FLT1: variants seen among roughly 807,000 people sequenced by gnomAD.
FLT1 encodes vascular endothelial growth factor receptor 1.
FLT1 carries 49 observed loss-of-function variants against 156.3 expected under a neutral mutation model. The observed-to-expected ratio is 0.31, with a 90% CI of 0.25 to 0.40. FLT1 has a LOEUF of 0.40. FLT1 is among the 10% of genes least tolerant of loss of function. The pLI, the probability that FLT1 is intolerant of heterozygous loss-of-function variation, is 1.00. For synonymous variants in FLT1, 594 were observed against 583.8 expected, an observed-to-expected ratio of 1.02 and a Z score of -0.25; for missense variants, 1,322 against 1,637.2, an observed-to-expected ratio of 0.81 and a Z score of 3.32.
intron 10 of FLT1, among the ~76,000 whole-genome samples, chr13:28,417,649 A>C (rs1172782783): frequency 6.9e-6 from 1 of 144,408 alleles, no homozygotes; most frequent in African/African-American, 2.5e-5. Flanking sequence ...TAAAAATTAA[A>C]TCTTTAACAT....
In FLT1 at chr13:28,336,490, A is replaced by G. The variant is rs572559910; in HGVS notation, c.2489-2361T>C. Among the ~76,000 whole-genome samples the G allele has an allele frequency of 2.6e-5, 4 of 152,264 alleles. No individual in the cohort carries two copies. In the South Asian group the frequency reaches 8.3e-4, roughly 32 times the overall value. On this transcript the variant is annotated intron_variant, in intron 17 of 29. Coordinates refer to ENST00000282397, the MANE Select transcript of FLT1 (RefSeq NM_002019.4). ...GAAGTGTGCTAGGTCATTGCCATAC[A>G]ATGCAAGGATATTGGAATCTCCTCC...
chr13:28,313,905 A>AT (rs1203729857), intron 25 of FLT1, among the ~76,000 whole-genome samples: 5 of 98,722 alleles, frequency 5.1e-5, no homozygotes, highest in Non-Finnish European at 1.2e-4. Context: ...AAAAAAAAAA[A>AT]AAAAGAAGAA....
At chr13:28,387,994 C>G in intron 13 of FLT1, 1 of 1,059,816 alleles carries the variant, frequency 9.4e-7, no homozygotes, top group Non-Finnish European at 1.1e-6. Context: ...TCCAATTCAC[C>G]ATTTTGTTTT....
chr13:28,310,413 C>T (rs528828704), intron 27 of FLT1, among the ~76,000 whole-genome samples: 2 of 73,162 alleles, frequency 2.7e-5, no homozygotes, highest in Admixed American at 2.1e-4. Flanking sequence ...CACACAGTTT[C>T]GGCAAGCCTT....
rs1384315156 is a variant in FLT1, at chr13:28,357,673, C to G, written c.2129G>C (p.Gly710Ala). ...AATAAACAGCGTGCTGCTTCCTGGT[C>G]CTAAAATAATTCCTGAGGGGTGAGA... ...KIQQEPGIILGPGSSTLFIER... is the reference protein window; with the variant it reads ...KIQQEPGIILAPGSSTLFIER... The change falls in exon 15 of 30, where the codon GGA becomes GCA. Residue 710 changes from glycine (G) to alanine (A), a missense_variant. Gly to Ala is a moderately conservative substitution (Grantham distance 60). Around this residue, in one of 3 missense-constraint regions of FLT1, gnomAD observed 991 missense variants for 1,254.8 expected, o/e 0.79. Transcript: ENST00000282397. 1 of 1,613,734 alleles carries G rather than the reference C, an allele frequency of 6.2e-7. No homozygotes were observed. Among genetic ancestry groups the G allele is most frequent in the Non-Finnish European group, 8.5e-7 (1 of 1,179,822 alleles).
intron 1 of FLT1, among the ~76,000 whole-genome samples, chr13:28,470,674 G>A (rs1880117618): frequency 6.6e-6 from 1 of 152,090 alleles, no homozygotes; most frequent in African/African-American, 2.4e-5. Context: ...CCAGCTGAGA[G>A]AAGTGCTATT....
chr13:28,413,223 C>T (rs894097674), intron 10 of FLT1, among the ~76,000 whole-genome samples: 11 of 152,228 alleles, frequency 7.2e-5, no homozygotes, highest in African/African-American at 1.4e-4. Flanking sequence ...TTTCCGTGAG[C>T]GTCTTGGCTC....
At chr13:28,350,141 G>C (rs1872694727) in intron 15 of FLT1, among the ~76,000 whole-genome samples, 1 of 152,200 alleles carries the variant, frequency 6.6e-6, no homozygotes, top group Non-Finnish European at 1.5e-5. Context: ...AGTGGAAAGA[G>C]GCCAGGGAAA....
Position 28,431,255 on chromosome 13 carries a change from T to A in FLT1, c.869A>T (p.Asn290Ile), listed in dbSNP as rs781610873. The A allele has an allele frequency of 1.9e-6, 3 of 1,613,940 alleles. No individual in the cohort carries two copies. The highest frequency in any genetic ancestry group is 2.5e-6 in the Non-Finnish European group (3 of 1,179,790). Residue 290 changes from asparagine (N) to isoleucine (I), a missense_variant, in exon 7 of 30, where the codon AAC becomes ATC. Around this residue, in one of 3 missense-constraint regions of FLT1, gnomAD observed 991 missense variants for 1,254.8 expected, o/e 0.79. Coordinates refer to ENST00000282397, the MANE Select transcript of FLT1 (RefSeq NM_002019.4). ...RRIDQSNSHA[N>I]IFYSVLTIDK... ...AATAGTAAGAACACTGTAGAATATG[T>A]TGGCATGGGAATTGCTTTGGTCAAT...
chr13:28,356,442 A>G (rs1872903352), intron 15 of FLT1, among the ~76,000 whole-genome samples: 2 of 152,214 alleles, frequency 1.3e-5, no homozygotes, highest in Non-Finnish European at 2.9e-5. Flanking sequence ...ATTTTAGAAC[A>G]AGGATTATTT....
chr13:28,476,611 T>C lies in FLT1; in HGVS notation c.65-8994A>G, dbSNP rs74872797. Among the ~76,000 whole-genome samples the C allele has an allele frequency of 7.9e-3, 1,200 of 152,320 alleles. 15 individuals carry two copies. The highest frequency in any genetic ancestry group is 0.038 in the East Asian group (198 of 5,186). ...ATTTTACCACACTGATTTCTTGCTT[T>C]AGAGGTTTTGCCATTCTAAGTAATC... On this transcript the variant is annotated intron_variant, in intron 1 of 29. Transcript: ENST00000282397.
intron 13 of FLT1, chr13:28,388,586 A>T: frequency 9.5e-7 from 1 of 1,053,722 alleles, no homozygotes; most frequent in Non-Finnish European, 1.1e-6. Flanking sequence ...AGAGATTACA[A>T]CTTCTCTTGA....
rs17086708 is a variant in FLT1 at position 28,466,523 on chromosome 13, A to G, written c.388+380T>C. Among the ~76,000 whole-genome samples, 1,511 of 152,356 alleles carry G rather than the reference A, an allele frequency of 9.9e-3. 61 individuals carry two copies. The highest frequency in any genetic ancestry group is 0.065 in the Admixed American group (989 of 15,306). On this transcript the variant is annotated intron_variant, in intron 3 of 29. Coordinates refer to ENST00000282397, the MANE Select transcript of FLT1 (RefSeq NM_002019.4). ...CAACAGTATTTTACAGTTCCAACAT[A>G]TAAGAGAATGCAGCTGTGTTAAATG...
chr13:28,441,145 G>A (rs575828636), intron 3 of FLT1, among the ~76,000 whole-genome samples: 84 of 152,268 alleles, frequency 5.5e-4, no homozygotes, highest in African/African-American at 1.9e-3. Flanking sequence ...CAGTTTAACC[G>A]GTATATGACT....
intron 4 of FLT1, among the ~76,000 whole-genome samples, chr13:28,436,569 C>T (rs888944945): frequency 9.9e-5 from 15 of 152,164 alleles, no homozygotes; most frequent in Non-Finnish European, 1.8e-4. Context: ...CTCCTGATGA[C>T]CAAACAACCC....
Position 28,303,065 on chromosome 13 carries a change from A to G in FLT1, c.*102T>C. The G allele has an allele frequency of 9.6e-7, 1 of 1,043,382 alleles. No individual in the cohort carries two copies. Among genetic ancestry groups the G allele is most frequent in the South Asian group, 1.4e-5 (1 of 69,278 alleles). 64.6% of individuals were successfully genotyped at this position (1,043,382 alleles called of 1,614,324 possible). ...CAAAAAGCAGCTGGCTCCCATGGAA[A>G]GATAAAGGTGTAAACTTATATATGC... On this transcript the variant is annotated 3_prime_UTR_variant, in exon 30 of 30. Transcript: ENST00000282397.
At chr13:28,429,965 G>A in intron 8 of FLT1, 85 bp downstream of exon 8, 1 of 913,758 alleles carries the variant, frequency 1.1e-6, no homozygotes, top group East Asian at 2.4e-5. Flanking sequence ...TTGGTATTTT[G>A]TCAGGAATTC....
In FLT1 at chr13:28,322,904, G is replaced by C. The variant is rs2138832261; in HGVS notation, c.2839C>G (p.Pro947Ala). ...HMEPKKEKME[P>A]GLEQGKKPRL... ...GGTTTCTTGCCTTGTTCCAGGCCTG[G>C]CTCCATTTTTTCTTTCTTAGGCTCC... The change falls in exon 21 of 30, where the codon CCA becomes GCA. Residue 947 changes from proline (P) to alanine (A), a missense_variant. Physicochemically the swap from Pro to Ala is conservative, Grantham distance 27. This residue lies in a region of FLT1 where 991 missense variants were observed against 1,254.8 expected (regional missense o/e 0.79). Coordinates refer to ENST00000282397, the MANE Select transcript of FLT1 (RefSeq NM_002019.4). This position sits in a 1 kb window ranked among gnomAD's most constrained non-coding sequence, Gnocchi z 4.3. 6.2e-7 allele frequency: 1 copy of C among 1,614,080 alleles called. No homozygotes were observed.
rs546603584 is a variant in FLT1 at position 28,356,547 on chromosome 13, A to G, written c.2248+1007T>C. On this transcript the variant is annotated intron_variant, in intron 15 of 29. Coordinates refer to ENST00000282397, the MANE Select transcript of FLT1 (RefSeq NM_002019.4). ...TGTGGTAGAGTAGTTTCAGACTTTC[A>G]GGGGGCTCTTTAAAATCATCTCCTT... Among the ~76,000 whole-genome samples, 6 of 152,292 alleles carry G rather than the reference A, an allele frequency of 3.9e-5. No individual in the cohort carries two copies. The East Asian group carries it at 1.2e-3, about 29-fold the overall frequency.
Sources: gnomAD v4.1 joint callset for allele counts (sites outside exome capture counted in the v4.1 genomes callset) on GRCh38, gnomAD v4.1.1 for gene constraint, gnomAD v4.1.1 regional missense constraint, Gnocchi (gnomAD v3.1) non-coding constraint, MANE v1.5 for transcripts, NCBI Gene and HGNC (gene_info 2026-07-23, HGNC 2026-07-21) for gene names.